The following TRIM34 variants were observed in gnomAD, a reference collection of about 807,000 sequenced individuals.
TRIM34 encodes the protein tripartite motif containing 34, also known as E3 ubiquitin-protein ligase TRIM34.
In TRIM34, 41 loss-of-function variants were observed where a neutral mutation model predicts 38.1. The observed-to-expected ratio is 1.08, with a 90% CI of 0.84 to 1.40. The LOEUF (loss-of-function observed/expected upper bound fraction) is 1.40, where lower values mean the gene tolerates loss of function less well. Among genes scored for constraint, TRIM34 ranks in the 40% most tolerant of loss-of-function variants. TRIM34 has a pLI of 0.00. For synonymous variants in TRIM34, 200 were observed against 202.5 expected (o/e 0.99, Z 0.10); for missense variants, 556 against 571.4 (o/e 0.97, Z 0.27).
intron 2 of TRIM34, 107 bp downstream of exon 2, chr11:5,632,861 C>G: frequency 2.2e-6 from 3 of 1,368,228 alleles, no homozygotes; most frequent in South Asian, 3.2e-5. Flanking sequence ...GAGTCTCACT[C>G]TGTCGCCCAG....
At position 5,643,691 on chromosome 11, in the gene TRIM34, A is replaced by G. The variant is rs780016286; in HGVS notation, c.1449A>G (p.Leu483=). The part of the protein sequence containing the change: ...NPWNCPAPMT[L]CPPSS ...GGAACTGTCCAGCTCCCATGACTCT[A>G]TGCCCACCAAGCTCTTGAATTTTCT... The change falls in exon 8 of 8, where the codon CTA becomes CTG. Residue 483 remains leucine (L), a synonymous_variant. Coordinates refer to ENST00000429814, the MANE Select transcript of TRIM34 (RefSeq NM_021616.6). 2.5e-6 allele frequency: 4 copies of G among 1,596,010 alleles called. No homozygotes were observed. Among genetic ancestry groups the G allele is most frequent in the South Asian group, 2.3e-5 (2 of 87,458 alleles).
rs751402828 is a variant in TRIM34, at chr11:5,643,751, T to C, written c.*42T>C. 9.1e-6 allele frequency: 14 copies of C among 1,531,520 alleles called. 1 individual carries two copies. Among genetic ancestry groups the C allele is most frequent in the Admixed American group, 2.2e-5 (1 of 45,580 alleles). The allele number at this position is 1,531,520 out of a possible 1,614,324, so 94.9% of individuals were successfully genotyped here. ...ACCTACAACCCTTTGTCTTGACTTA[T>C]CTCCTGCAACTGACTCATCTGCAAC... On this transcript the variant is annotated 3_prime_UTR_variant, in exon 8 of 8. Transcript: ENST00000429814.
At position 5,634,528 on chromosome 11, in the gene TRIM34, C is replaced by CATATATATATATATATATATAT. The variant is rs1206053252; in HGVS notation, c.520-102_520-101insTATATATATATATATATATATA. On this transcript the variant is annotated intron_variant, in intron 3 of 7. Coordinates refer to ENST00000429814, the MANE Select transcript of TRIM34 (RefSeq NM_021616.6). ...ACACACACACACACACACACACACA[C>CATATATATATATATATATATAT]ACATATATATATATATATATTTCCC... 5 of 530,378 alleles carry CATATATATATATATATATATAT rather than the reference C, an allele frequency of 9.4e-6. No individual in the cohort carries two copies. In the African/African-American group the frequency reaches 1.2e-4, roughly 13 times the overall value. 32.9% of individuals were successfully genotyped at this position (530,378 alleles called of 1,614,324 possible).
intron 4 of TRIM34, among the ~76,000 whole-genome samples, chr11:5,635,758 C>A (rs969078100): frequency 2.6e-5 from 4 of 152,034 alleles, no homozygotes; most frequent in African/African-American, 9.7e-5. Flanking sequence ...TATATCCCAG[C>A]TTTTTTTAAA....
intron 4 of TRIM34, among the ~76,000 whole-genome samples, chr11:5,635,449 G>T (rs893566189): frequency 3.3e-5 from 5 of 151,854 alleles, no homozygotes; most frequent in Admixed American, 6.6e-5. Flanking sequence ...GTAAACATGG[G>T]GTTTCACCGT....
chr11:5,633,942 C>T (rs2133930759), intron 3 of TRIM34, 43 bp downstream of exon 3: 2 of 1,606,712 alleles, frequency 1.2e-6, no homozygotes, highest in Non-Finnish European at 1.7e-6. Flanking sequence ...GGAATCTTGA[C>T]AGGACCTTAA....
At chr11:5,639,358 CA>C (rs1849884713) in intron 4 of TRIM34, among the ~76,000 whole-genome samples, 1 of 151,892 alleles carries the variant, frequency 6.6e-6, no homozygotes, top group African/African-American at 2.4e-5. Context: ...TAAAGGTTGA[CA>C]AAAAACAGCA....
intron 4 of TRIM34, among the ~76,000 whole-genome samples, chr11:5,636,702 A>T (rs1293254279): frequency 2.6e-5 from 4 of 152,186 alleles, no homozygotes; most frequent in Non-Finnish European, 5.9e-5. Flanking sequence ...CTTGGAATTT[A>T]AAAAAATATT....
intron 4 of TRIM34, among the ~76,000 whole-genome samples, chr11:5,636,551 G>A (rs753449216): frequency 6.6e-6 from 1 of 152,084 alleles, no homozygotes; most frequent in Non-Finnish European, 1.5e-5. Flanking sequence ...AAACAAAAAG[G>A]TTCCGTAGGC....
intron 6 of TRIM34, 29 bp from the exon 7 acceptor site, chr11:5,642,788 C>T: frequency 6.2e-7 from 1 of 1,613,652 alleles, no homozygotes; most frequent in Non-Finnish European, 8.5e-7. Context: ...TGTTTCTAAT[C>T]AGCATCACTG....
rs1266823928 is a variant in TRIM34 at position 5,643,701 on chromosome 11, A to T, written c.1459A>T (p.Ser487Cys). 1 of 1,579,552 alleles carries T rather than the reference A, an allele frequency of 6.3e-7. No individual in the cohort carries two copies. Among genetic ancestry groups the T allele is most frequent in the Non-Finnish European group, 8.6e-7 (1 of 1,167,478 alleles). The stretch of plus-strand genomic sequence containing the variant: ...AGCTCCCATGACTCTATGCCCACCA[A>T]GCTCTTGAATTTTCTCATTTCTTCA... Reference protein sequence around the residue: ...CPAPMTLCPPSS With the variant: ...CPAPMTLCPPCS Residue 487 changes from serine to cysteine, a missense_variant, in exon 8 of 8, where the codon AGC becomes TGC. Ser to Cys is a moderately radical substitution (Grantham distance 112). Coordinates refer to ENST00000429814, the MANE Select transcript of TRIM34 (RefSeq NM_021616.6).
rs755919979 is a variant in TRIM34, at chr11:5,632,547, G to T, written c.216G>T (p.Gln72His). Reference sequence around the variant, plus strand: ...CATTTGAACATCTACAGGCTAATCAGCATCTGGCCAACATAGTGGAGAGAC... The same window carrying T: ...CATTTGAACATCTACAGGCTAATCATCATCTGGCCAACATAGTGGAGAGAC... ...SYSFEHLQANQHLANIVERLK... is the reference protein window; with the variant it reads ...SYSFEHLQANHHLANIVERLK... The change falls in exon 2 of 8, where the codon CAG (glutamine) becomes CAT (histidine). Residue 72 changes from glutamine (Q) to histidine (H), a missense_variant. Coordinates refer to ENST00000429814, the MANE Select transcript of TRIM34 (RefSeq NM_021616.6). 1 of 1,613,952 alleles carries T rather than the reference G, an allele frequency of 6.2e-7. No individual in the cohort carries two copies. The highest frequency in any genetic ancestry group is 1.1e-5 in the South Asian group (1 of 91,052).
intron 4 of TRIM34, among the ~76,000 whole-genome samples, chr11:5,637,412 G>C (rs996528452): frequency 2.0e-5 from 3 of 152,174 alleles, no homozygotes; most frequent in African/African-American, 4.8e-5. Context: ...CTTGAAAACT[G>C]ATGCAAAAAT....
intron 3 of TRIM34, among the ~76,000 whole-genome samples, 179 bp from the exon 4 acceptor site, chr11:5,634,452 T>C (rs1239482682): frequency 4.0e-5 from 6 of 149,658 alleles, no homozygotes; most frequent in African/African-American, 1.5e-4. Flanking sequence ...AAAAAATCGA[T>C]ATATAGATAA....
intron 3 of TRIM34, 103 bp from the exon 4 acceptor site, chr11:5,634,528 C>CATATATATATATATAT (rs1206053252): frequency 3.8e-6 from 2 of 530,320 alleles, no homozygotes; most frequent in African/African-American, 4.9e-5. Flanking sequence ...CACACACACA[C>CATATATATATATATAT]ACATATATAT....
intron 1 of TRIM34, among the ~76,000 whole-genome samples, chr11:5,629,330 A>G (rs73400381): frequency 0.3 from 45,039 of 151,998 alleles, 7,260 homozygotes; most frequent in East Asian, 0.46. Context: ...TTTATCCAGT[A>G]TGACCTCATC....
In TRIM34 at chr11:5,633,799, C is replaced by T; in HGVS notation, c.424-5C>T. The T allele has an allele frequency of 6.2e-7, 1 of 1,612,978 alleles. No individual in the cohort carries two copies. Among genetic ancestry groups the T allele is most frequent in the Non-Finnish European group, 8.5e-7 (1 of 1,179,552 alleles). On this transcript the variant is annotated splice_polypyrimidine_tract_variant and splice_region_variant and intron_variant, in intron 2 of 7. Coordinates refer to ENST00000429814, the MANE Select transcript of TRIM34 (RefSeq NM_021616.6). ...CTTGACTGTAGTGTGATTCCCTTCT[C>T]ATAGGAGAAACTCCAGGCAGTCCTC...
chr11:5,622,842 T>C (rs1398470551), upstream of TRIM34, among the ~76,000 whole-genome samples: 1 of 152,202 alleles, frequency 6.6e-6, no homozygotes, highest in Non-Finnish European at 1.5e-5. Context: ...AGGTTAAGGA[T>C]GCACCCATGA....
At chr11:5,623,529 G>A (rs1332469837), upstream of TRIM34, among the ~76,000 whole-genome samples, 14 of 115,202 alleles carry the variant, frequency 1.2e-4, no homozygotes, top group African/African-American at 3.6e-4. Flanking sequence ...CACCATGCCC[G>A]GCTAATTTTT....
Sources: gnomAD v4.1 joint callset for allele counts (sites outside exome capture counted in the v4.1 genomes callset) on GRCh38, gnomAD v4.1.1 for gene constraint, MANE v1.5 for transcripts, NCBI Gene and HGNC (gene_info 2026-07-23, HGNC 2026-07-21) for gene names.